The following C9orf153 variants were observed in gnomAD, a reference collection of about 807,000 sequenced individuals.
The protein encoded by C9orf153 is chromosome 9 open reading frame 153.
A neutral mutation model predicts 9.0 loss-of-function variants in C9orf153; 10 were observed. That is an observed-to-expected ratio of 1.11 (90% CI 0.69 to 1.89). The LOEUF (loss-of-function observed/expected upper bound fraction) is 1.89, where lower values mean the gene tolerates loss of function less well. C9orf153 is among the 40% of genes most tolerant of loss of function. C9orf153 has a pLI of 0.00. For synonymous variants in C9orf153, 35 were observed against 37.3 expected, an observed-to-expected ratio of 0.94 and a Z score of 0.23; for missense variants, 108 against 111.0, an observed-to-expected ratio of 0.97 and a Z score of 0.12.
chr9:86,224,461 T>C (rs983820193), intron 3 of C9orf153, among the ~76,000 whole-genome samples: 35 of 152,102 alleles, frequency 2.3e-4, no homozygotes, highest in African/African-American at 8.2e-4. Context: ...TGGTGTTCTA[T>C]TGCACAGTAA....
chr9:86,255,046 C>CAG (rs35201380), intron 1 of C9orf153, among the ~76,000 whole-genome samples: 68,025 of 147,142 alleles, frequency 0.46, 16,495 homozygotes, highest in African/African-American at 0.62. Context: ...GCCTGAAAGA[C>CAG]AGTGAGACGC....
rs1043166109 is a variant in C9orf153, at chr9:86,221,693, A to G, written c.283T>C (p.Phe95Leu). Residue 95 changes from phenylalanine (F) to leucine (L), a missense_variant, in exon 4 of 4, where the codon TTT (phenylalanine) becomes CTT (leucine). By Grantham distance (22) the Phe-to-Leu change is conservative. Transcript: ENST00000339137. ...GCCTCCACTTCGCAAGCCCCTTAAA[A>G]TATCTCCATTCCAGATCCCTTAGAT... is the stretch of plus-strand genomic sequence containing the variant. Reference protein sequence around the residue: ...HESKGSGMEIF With the variant: ...HESKGSGMEIL The G allele has an allele frequency of 4.4e-5, 68 of 1,550,052 alleles. No individual in the cohort carries two copies. In the African/African-American group the frequency reaches 8.1e-4, roughly 18 times the overall value.
intron 2 of C9orf153, chr9:86,228,831 A>G (rs1824398393): frequency 5.2e-6 from 1 of 190,956 alleles, no homozygotes; most frequent in Middle Eastern, 5.7e-4. Flanking sequence ...ACGCGTGGGA[A>G]AGTAGAAGGG....
intron 1 of C9orf153, among the ~76,000 whole-genome samples, chr9:86,249,853 C>T (rs1824956941): frequency 6.6e-6 from 1 of 152,182 alleles, no homozygotes; most frequent in Non-Finnish European, 1.5e-5. Flanking sequence ...GGCCACCTTC[C>T]CCTTTGCTCT....
At chr9:86,248,496 T>G (rs1317949389) in intron 1 of C9orf153, among the ~76,000 whole-genome samples, 1 of 152,190 alleles carries the variant, frequency 6.6e-6, no homozygotes, top group African/African-American at 2.4e-5. Context: ...CATGAGTTAA[T>G]TGCATGTCAC....
intron 1 of C9orf153, among the ~76,000 whole-genome samples, chr9:86,240,991 G>A (rs1224867088): frequency 6.6e-6 from 1 of 152,086 alleles, no homozygotes; most frequent in African/African-American, 2.4e-5. Flanking sequence ...ACAGGCGTGA[G>A]CCACTGTGCC....
At chr9:86,248,295 G>C (rs1223131191) in intron 1 of C9orf153, among the ~76,000 whole-genome samples, 3 of 151,778 alleles carry the variant, frequency 2.0e-5, no homozygotes, top group Admixed American at 6.6e-5. Flanking sequence ...CACCACCCCC[G>C]GCTAATTTTT....
rs1025836677 is a variant in C9orf153, at chr9:86,229,425, G to T, written c.66+113C>A. ...GTTAAGTCATTAAAGTGACATTTTG[G>T]AGTTTCCCATGGCTCCCAAGTGTGT... On this transcript the variant is annotated intron_variant, in intron 2 of 3. Transcript: ENST00000339137. 5.9e-6 allele frequency: 4 copies of T among 680,416 alleles called. No individual in the cohort carries two copies. The Admixed American group carries it at 8.4e-5, about 14-fold the overall frequency. 42.1% of individuals were successfully genotyped at this position (680,416 alleles called of 1,614,324 possible).
chr9:86,222,352 T>C (rs1227109130), intron 3 of C9orf153, among the ~76,000 whole-genome samples: 3 of 151,826 alleles, frequency 2.0e-5, no homozygotes, highest in Non-Finnish European at 4.4e-5. Context: ...TAACAGAATG[T>C]GCAAATGGAG....
At chr9:86,224,369 A>G (rs982326631) in intron 3 of C9orf153, among the ~76,000 whole-genome samples, 2 of 149,972 alleles carry the variant, frequency 1.3e-5, no homozygotes, top group Non-Finnish European at 2.9e-5. Context: ...CCTGGGTGAC[A>G]GTGTCTCAAA....
chr9:86,239,257 T>TAAA (rs57839282), intron 1 of C9orf153, among the ~76,000 whole-genome samples: 2 of 145,268 alleles, frequency 1.4e-5, no homozygotes, highest in African/African-American at 5.0e-5. Context: ...GAGACTCTGT[T>TAAA]AAAAAAAAAA....
At chr9:86,223,913 T>A (rs1381012148) in intron 3 of C9orf153, among the ~76,000 whole-genome samples, 1 of 150,486 alleles carries the variant, frequency 6.6e-6, no homozygotes, top group Non-Finnish European at 1.5e-5. Flanking sequence ...AGAGACAGAG[T>A]AGGGAGTGGG....
chr9:86,228,959 T>C (rs1824401255), intron 2 of C9orf153: 2 of 274,756 alleles, frequency 7.3e-6, no homozygotes, highest in African/African-American at 2.3e-5. Context: ...TATGGATGCA[T>C]TCTCAGTTAC....
At chr9:86,227,786 C>T (rs1022803022) in intron 3 of C9orf153, 69 bp downstream of exon 3, 11 of 1,529,814 alleles carry the variant, frequency 7.2e-6, no homozygotes, top group Admixed American at 4.2e-5. Flanking sequence ...AGAGAGTGAG[C>T]TTGCCAGTAA....
At chr9:86,230,930 A>T (rs945256312) in intron 1 of C9orf153, among the ~76,000 whole-genome samples, 43 of 152,288 alleles carry the variant, frequency 2.8e-4, no homozygotes, top group African/African-American at 1.0e-3. Flanking sequence ...GCTTTGATCA[A>T]TAGCTTGTGG....
intron 3 of C9orf153, among the ~76,000 whole-genome samples, chr9:86,226,657 C>T (rs1824341852): frequency 6.6e-6 from 1 of 152,114 alleles, no homozygotes; most frequent in African/African-American, 2.4e-5. Context: ...TAAAAAATGA[C>T]AAAATATTAC....
chr9:86,221,971 C>T (rs921529525), intron 3 of C9orf153, among the ~76,000 whole-genome samples: 10 of 152,072 alleles, frequency 6.6e-5, no homozygotes, highest in South Asian at 4.1e-4. Context: ...TCACAACCTC[C>T]GCCTCCCGGG....
intron 1 of C9orf153, among the ~76,000 whole-genome samples, chr9:86,251,283 T>G (rs530104135): frequency 6.6e-6 from 1 of 152,204 alleles, no homozygotes; most frequent in Non-Finnish European, 1.5e-5. Context: ...GAAATAAAAC[T>G]TATTTAGATC....
chr9:86,227,320 T>C (rs181012219), intron 3 of C9orf153: 1 of 1,430,436 alleles, frequency 7.0e-7, no homozygotes, highest in South Asian at 1.5e-5. Context: ...CTAATTTTTA[T>C]TTATTTATTT....
Sources: gnomAD v4.1 joint callset for allele counts (sites outside exome capture counted in the v4.1 genomes callset) on GRCh38, gnomAD v4.1.1 for gene constraint, MANE v1.5 for transcripts, NCBI Gene and HGNC (gene_info 2026-07-23, HGNC 2026-07-21) for gene names.